The following CSMD1 variants were observed in gnomAD, a reference collection of about 807,000 sequenced individuals.
The protein encoded by CSMD1 is CUB and sushi domain-containing protein 1.
In CSMD1, 213 loss-of-function variants were observed where a neutral mutation model predicts 417.5. The observed-to-expected ratio is 0.51, with a 90% CI of 0.46 to 0.57. The LOEUF is 0.57. Among genes scored for constraint, CSMD1 ranks in the 20% least tolerant of loss-of-function variants. CSMD1 has a pLI of 0.00. For missense variants in CSMD1, 6,923 were observed against 4,529.7 expected (o/e 1.53, Z -15.17); for synonymous variants, 2,862 against 1,736.8 (o/e 1.65, Z -16.11).
intron 1 of CSMD1, among the ~76,000 whole-genome samples, chr8:4,727,483 A>T (rs1343204970): frequency 6.6e-6 from 1 of 152,222 alleles, no homozygotes; most frequent in East Asian, 1.9e-4. Flanking sequence ...AAGAGAGAGA[A>T]TGATTTGGCA....
At chr8:3,812,125 C>T (rs1374494596) in intron 5 of CSMD1, among the ~76,000 whole-genome samples, 2 of 152,032 alleles carry the variant, frequency 1.3e-5, no homozygotes, top group Non-Finnish European at 1.5e-5. Context: ...AACGGGTGTC[C>T]ATATTTGTAT....
intron 41 of CSMD1, among the ~76,000 whole-genome samples, chr8:3,123,512 A>T (rs1817324987): frequency 6.6e-6 from 1 of 152,200 alleles, no homozygotes; most frequent in Admixed American, 6.5e-5. Context: ...GAAATCAGCA[A>T]TTCATTTCTC....
At chr8:4,431,419 A>C (rs935079527) in intron 2 of CSMD1, among the ~76,000 whole-genome samples, 3 of 152,166 alleles carry the variant, frequency 2.0e-5, no homozygotes, top group Non-Finnish European at 4.4e-5. Flanking sequence ...TTGAAGGAGG[A>C]ACAAGGTGAG....
chr8:4,762,349 A>T (rs560281366), intron 1 of CSMD1, among the ~76,000 whole-genome samples: 7 of 152,158 alleles, frequency 4.6e-5, no homozygotes, highest in Non-Finnish European at 1.0e-4. Flanking sequence ...TTATACCAGT[A>T]AACTTTGTTT....
intron 23 of CSMD1, among the ~76,000 whole-genome samples, chr8:3,341,244 G>A (rs933316992): frequency 3.3e-5 from 5 of 151,964 alleles, no homozygotes; most frequent in African/African-American, 4.8e-5. Flanking sequence ...GTTTCCATAC[G>A]GTCACACGGC....
At chr8:3,041,213 T>C (rs1811068619) in intron 50 of CSMD1, among the ~76,000 whole-genome samples, 1 of 152,194 alleles carries the variant, frequency 6.6e-6, no homozygotes, top group Non-Finnish European at 1.5e-5. Flanking sequence ...GCAAATAATT[T>C]AGAAAATTCT....
intron 40 of CSMD1, among the ~76,000 whole-genome samples, chr8:3,143,430 C>T (rs934844229): frequency 3.3e-5 from 5 of 152,096 alleles, no homozygotes; most frequent in Admixed American, 1.3e-4. Flanking sequence ...TTCAAATGAC[C>T]AGTATCTCTG....
At chr8:3,419,682 G>C (rs1232558824) in intron 12 of CSMD1, among the ~76,000 whole-genome samples, 1 of 152,086 alleles carries the variant, frequency 6.6e-6, no homozygotes, top group Admixed American at 6.5e-5. Context: ...AAATAATTCA[G>C]ATTACTTTCG....
At chr8:4,721,048 A>C (rs2116908929) in intron 1 of CSMD1, among the ~76,000 whole-genome samples, 1 of 152,274 alleles carries the variant, frequency 6.6e-6, no homozygotes, top group Middle Eastern at 3.4e-3. Context: ...TCATAAAACC[A>C]CTCTAATAAT....
At chr8:4,727,331 A>G (rs1166231351) in intron 1 of CSMD1, among the ~76,000 whole-genome samples, 1 of 152,218 alleles carries the variant, frequency 6.6e-6, no homozygotes, top group Non-Finnish European at 1.5e-5. Context: ...GAAACCCATG[A>G]ACAAAGACCA....
In CSMD1 at chr8:4,262,647, G is replaced by T. The variant is rs562847973; in HGVS notation, c.415+157306C>A. Among the ~76,000 whole-genome samples the T allele has an allele frequency of 5.3e-5, 8 of 152,164 alleles. No individual in the cohort carries two copies. The South Asian group carries it at 1.7e-3, about 32-fold the overall frequency. On this transcript the variant is annotated intron_variant, in intron 3 of 69. Coordinates refer to ENST00000635120, the MANE Select transcript of CSMD1 (RefSeq NM_033225.6). ...GCCATCGCCACCCAGTTAGCCTGGG[G>T]CTGAAAGAGTAAAACGTGCCCAACC...
chr8:4,621,706 A>G (rs1801789187), intron 2 of CSMD1, among the ~76,000 whole-genome samples: 1 of 152,058 alleles, frequency 6.6e-6, no homozygotes, highest in African/African-American at 2.4e-5. Flanking sequence ...GTACAGTGAA[A>G]TCTTAAAAAG....
At chr8:3,978,313 G>A (rs956347789) in intron 5 of CSMD1, among the ~76,000 whole-genome samples, 2 of 152,074 alleles carry the variant, frequency 1.3e-5, no homozygotes, top group Admixed American at 6.5e-5. Context: ...AAAAACAACT[G>A]TTCCCACATG....
chr8:4,231,464 A>T (rs1286916673), intron 3 of CSMD1, among the ~76,000 whole-genome samples: 2 of 152,212 alleles, frequency 1.3e-5, no homozygotes, highest in Admixed American at 1.3e-4. Flanking sequence ...TTAGACAGTG[A>T]ACTCTCTCAG....
At chr8:4,503,393 T>A (rs181949413) in intron 2 of CSMD1, among the ~76,000 whole-genome samples, 269 of 152,318 alleles carry the variant, frequency 1.8e-3, no homozygotes, top group African/African-American at 5.4e-3. Context: ...CTGTTTTGAA[T>A]GTATCAGCTA....
chr8:4,420,021 G>C lies in CSMD1; in HGVS notation c.347C>G (p.Ser116Cys), dbSNP rs760230512. The C allele has an allele frequency of 7.6e-6, 12 of 1,584,560 alleles. No individual in the cohort carries two copies. The highest frequency in any genetic ancestry group is 4.6e-5 in the South Asian group (4 of 86,422). ...QLPSSIVSTGSILTLWFTTDF... is the reference protein window; with the variant it reads ...QLPSSIVSTGCILTLWFTTDF... ...TGTCGTGAACCACAGAGTGAGGATA[G>C]ATCCTGTACTCACTATAGAGGAGGG... is the stretch of plus-strand genomic sequence containing the variant. Residue 116 changes from serine to cysteine, a missense_variant, in exon 3 of 70, where the codon TCT becomes TGT. Transcript: ENST00000635120.
chr8:3,829,877 T>C (rs7824328), intron 5 of CSMD1, among the ~76,000 whole-genome samples: 109,768 of 152,002 alleles, frequency 0.72, 39,700 homozygotes, highest in East Asian at 0.79. Flanking sequence ...AACACTGTTA[T>C]GTGAACATCT....
chr8:4,918,945 G>T (rs1806246646), intron 1 of CSMD1, among the ~76,000 whole-genome samples: 1 of 152,034 alleles, frequency 6.6e-6, no homozygotes, highest in African/African-American at 2.4e-5. Flanking sequence ...TGTATGTTTG[G>T]TTTATATTTT....
At chr8:4,248,474 C>T (rs952860408) in intron 3 of CSMD1, among the ~76,000 whole-genome samples, 1 of 152,136 alleles carries the variant, frequency 6.6e-6, no homozygotes, top group Non-Finnish European at 1.5e-5. Flanking sequence ...TCAGTCGTTA[C>T]TTACGAATAC....
Sources: gnomAD v4.1 joint callset for allele counts (sites outside exome capture counted in the v4.1 genomes callset) on GRCh38, gnomAD v4.1.1 for gene constraint, MANE v1.5 for transcripts, NCBI Gene and HGNC (gene_info 2026-07-23, HGNC 2026-07-21) for gene names.